Variants in NINJ2 observed in about 807,000 individuals in gnomAD.
NINJ2 encodes the protein ninjurin 2.
NINJ2 carries 12 observed loss-of-function variants against 11.7 expected under a neutral mutation model. The ratio of observed to expected loss-of-function variants is 1.02; its 90% confidence interval spans 0.66 to 1.66. The LOEUF is 1.66. Among genes scored for constraint, NINJ2 ranks in the 40% most tolerant of loss-of-function variants. The pLI is 0.00. For missense variants in NINJ2, 187 were observed against 181.8 expected, an observed-to-expected ratio of 1.03 and a Z score of -0.16; for synonymous variants, 93 against 76.8, an observed-to-expected ratio of 1.21 and a Z score of -1.10.
chr12:616,090 A>G (rs1239836300), intron 1 of NINJ2, among the ~76,000 whole-genome samples: 1 of 152,170 alleles, frequency 6.6e-6, no homozygotes, highest in African/African-American at 2.4e-5. Flanking sequence ...AAGGTAAAGG[A>G]CTGGTTCAAG....
intron 1 of NINJ2, among the ~76,000 whole-genome samples, chr12:570,637 C>T (rs1158621177): frequency 6.6e-6 from 1 of 152,148 alleles, no homozygotes; most frequent in East Asian, 1.9e-4. Flanking sequence ...ATTCCCGTTT[C>T]GCCGGACTCT....
rs529249945 is a variant in NINJ2, at chr12:663,378, C to T, written c.-18G>A. 4 of 1,614,186 alleles carry T rather than the reference C, an allele frequency of 2.5e-6. No homozygotes were observed. In the African/African-American group the frequency reaches 4.0e-5, roughly 16 times the overall value. On this transcript the variant is annotated 5_prime_UTR_variant, in exon 1 of 4. Transcript: ENST00000305108. ...GATTCCATCTCGCTGCCCTCAAGTC[C>T]CTTCACACGCACCGGGTGCCGGGAA...
chr12:657,037 T>C (rs187352099), intron 1 of NINJ2, among the ~76,000 whole-genome samples: 2 of 152,276 alleles, frequency 1.3e-5, no homozygotes, highest in East Asian at 3.9e-4. Context: ...AATGCGAAAC[T>C]ATAAAACTCA....
Position 587,316 on chromosome 12 carries a change from C to T in NINJ2, c.34-21138G>A, listed in dbSNP as rs951701859. ...GCCCAGGAACCCCTGGCAATGCAGA[C>T]AGGCTGAACCCACAGCACAGCCCCC... On this transcript the variant is annotated intron_variant, in intron 1 of 3. Transcript: ENST00000305108. 5.9e-5 allele frequency among the ~76,000 whole-genome samples: 9 copies of T among 152,370 alleles called. No homozygotes were observed. The East Asian group carries it at 1.5e-3, about 26-fold the overall frequency.
intron 1 of NINJ2, among the ~76,000 whole-genome samples, chr12:601,137 G>C (rs1359700700): frequency 6.6e-6 from 1 of 152,202 alleles, no homozygotes; most frequent in Admixed American, 6.5e-5. Context: ...AGAATTTGTG[G>C]AATAAATGCA....
chr12:660,582 G>A (rs1019933911), intron 1 of NINJ2, among the ~76,000 whole-genome samples: 1 of 151,906 alleles, frequency 6.6e-6, no homozygotes, highest in Non-Finnish European at 1.5e-5. Context: ...CTCGTGATCC[G>A]CCCACCTCAG....
chr12:619,953 G>C (rs1252260009), intron 1 of NINJ2, among the ~76,000 whole-genome samples: 2 of 152,250 alleles, frequency 1.3e-5, no homozygotes, highest in Non-Finnish European at 2.9e-5. Context: ...TGAGGACTAA[G>C]TGAGGGAGGG....
At chr12:576,292 A>C (rs1947459629) in intron 1 of NINJ2, among the ~76,000 whole-genome samples, 1 of 152,114 alleles carries the variant, frequency 6.6e-6, no homozygotes, top group African/African-American at 2.4e-5. Flanking sequence ...GGGCGCCAGG[A>C]AACGGCGCGG....
chr12:645,117 A>G (rs1017815425), intron 1 of NINJ2: 1 of 152,192 alleles, frequency 6.6e-6, no homozygotes, highest in Non-Finnish European at 1.5e-5. Context: ...TGCATCCCCA[A>G]TCTGACTCAG....
Position 581,911 on chromosome 12 carries a change from C to T in NINJ2, c.34-15733G>A, listed in dbSNP as rs922388776. On this transcript the variant is annotated intron_variant, in intron 1 of 3. Coordinates refer to ENST00000305108, the MANE Select transcript of NINJ2 (RefSeq NM_016533.6). The surrounding 1 kb of genome is among the most constrained non-coding windows in gnomAD (Gnocchi z 4.9). The stretch of plus-strand genomic sequence containing the variant: ...AAGGTGTCCTGAGAACCAGATTCTC[C>T]GCGGACGCTGAACACACAAAAAGCC... 3.9e-5 allele frequency among the ~76,000 whole-genome samples: 6 copies of T among 152,236 alleles called. No individual in the cohort carries two copies. Among genetic ancestry groups the T allele is most frequent in the East Asian group, 1.9e-4 (1 of 5,180 alleles).
At chr12:625,075 C>G (rs1238777746) in intron 1 of NINJ2, among the ~76,000 whole-genome samples, 1 of 138,460 alleles carries the variant, frequency 7.2e-6, no homozygotes, top group African/African-American at 2.8e-5. Context: ...GCACTCCTGC[C>G]TGGGCAACAA....
At position 585,783 on chromosome 12, in the gene NINJ2, G is replaced by A. The variant is rs1007309237; in HGVS notation, c.34-19605C>T. The A allele has an allele frequency of 4.6e-5, 7 of 152,282 alleles. No individual in the cohort carries two copies. The allele number at this position is 152,282 out of a possible 1,614,324, so 9.4% of individuals were successfully genotyped here. Reference sequence around the variant, plus strand: ...AGAGGGCATGGCTTAGAAAGGAATAGCTCAGACGGAGTTTGTGATTAATTA... The same window carrying A: ...AGAGGGCATGGCTTAGAAAGGAATAACTCAGACGGAGTTTGTGATTAATTA... On this transcript the variant is annotated intron_variant, in intron 1 of 3. Transcript: ENST00000305108. The surrounding 1 kb of genome is among the most constrained non-coding windows in gnomAD (Gnocchi z 4.1).
intron 1 of NINJ2, among the ~76,000 whole-genome samples, chr12:635,084 G>T (rs1029610390): frequency 1.9e-4 from 26 of 138,784 alleles, no homozygotes; most frequent in Middle Eastern, 3.8e-3. Context: ...ACGGAGTTTT[G>T]CTCTTGTTGC....
chr12:572,109 G>A (rs1007408009), intron 1 of NINJ2, among the ~76,000 whole-genome samples: 2 of 152,262 alleles, frequency 1.3e-5, no homozygotes, highest in African/African-American at 4.8e-5. Flanking sequence ...CTTATCATCT[G>A]CGAGGTCGAA....
At chr12:610,685 G>A (rs1288653838) in intron 1 of NINJ2, 1 of 898,338 alleles carries the variant, frequency 1.1e-6, no homozygotes, top group Non-Finnish European at 1.3e-6. Flanking sequence ...TTGTTTAGCA[G>A]AACTGGGCTA....
At chr12:565,617 A>G (rs903641303) in intron 2 of NINJ2, 45 of 615,466 alleles carry the variant, frequency 7.3e-5, no homozygotes, top group African/African-American at 6.8e-4. Context: ...GGATTTGGGA[A>G]CTTAAGCTGG....
At chr12:575,841 A>T (rs2607938) in intron 1 of NINJ2, among the ~76,000 whole-genome samples, 55,086 of 151,914 alleles carry the variant, frequency 0.36, 11,274 homozygotes, top group Non-Finnish European at 0.47. Context: ...CTTTGCTCTT[A>T]AACACCCCCA....
At chr12:630,042 G>A (rs1948260186) in intron 1 of NINJ2, among the ~76,000 whole-genome samples, 1 of 150,602 alleles carries the variant, frequency 6.6e-6, no homozygotes, top group Non-Finnish European at 1.5e-5. Flanking sequence ...TGGACACCCT[G>A]GATGATGAAA....
At chr12:565,825 T>A in intron 2 of NINJ2, 125 bp downstream of exon 2, 1 of 842,994 alleles carries the variant, frequency 1.2e-6, no homozygotes, top group Non-Finnish European at 2.0e-6. Context: ...GAGGGCTCAC[T>A]GCAGGTCAGC....
Sources: gnomAD v4.1 joint callset for allele counts (sites outside exome capture counted in the v4.1 genomes callset) on GRCh38, gnomAD v4.1.1 for gene constraint, Gnocchi (gnomAD v3.1) non-coding constraint, MANE v1.5 for transcripts, NCBI Gene and HGNC (gene_info 2026-07-23, HGNC 2026-07-21) for gene names.